HS6ST3: variants seen among roughly 807,000 people sequenced by gnomAD.
The protein encoded by HS6ST3 is heparan sulfate 6-O-sulfotransferase 3.
HS6ST3 carries 12 observed loss-of-function variants against 36.7 expected under a neutral mutation model. The ratio of observed to expected loss-of-function variants is 0.33; its 90% CI spans 0.21 to 0.53. The LOEUF is 0.53. Ranked by LOEUF, HS6ST3 falls within the 20% of genes least tolerant of loss-of-function variation. The pLI, the probability that HS6ST3 is intolerant of heterozygous loss-of-function variation, is 0.95. For missense variants in HS6ST3, 584 were observed against 640.9 expected, an observed-to-expected ratio of 0.91 and a Z score of 0.96; for synonymous variants, 240 against 257.5, an observed-to-expected ratio of 0.93 and a Z score of 0.65.
chr13:96,541,244 C>T (rs1029918594), intron 1 of HS6ST3, among the ~76,000 whole-genome samples: 1 of 152,020 alleles, frequency 6.6e-6, no homozygotes, highest in Admixed American at 6.6e-5. Context: ...ACCATGTTGG[C>T]CAGGCTGGTC....
chr13:96,181,596 TG>T (rs1186951150), intron 1 of HS6ST3, among the ~76,000 whole-genome samples: 1 of 152,176 alleles, frequency 6.6e-6, no homozygotes, highest in African/African-American at 2.4e-5. Flanking sequence ...GAGCTCTTGC[TG>T]GGGTCTCTGT....
intron 1 of HS6ST3, among the ~76,000 whole-genome samples, chr13:96,769,192 A>G (rs1877196162): frequency 6.6e-6 from 1 of 152,172 alleles, no homozygotes; most frequent in Non-Finnish European, 1.5e-5. Context: ...ACAGGGCAGT[A>G]ACACTTATCT....
intron 1 of HS6ST3, among the ~76,000 whole-genome samples, chr13:96,279,018 C>G (rs2054761958): frequency 6.6e-6 from 1 of 152,074 alleles, no homozygotes; most frequent in African/African-American, 2.4e-5. Context: ...AATGAGTGAA[C>G]AATGAGCAGC....
chr13:96,605,402 G>C (rs1473553310), intron 1 of HS6ST3, among the ~76,000 whole-genome samples: 1 of 152,034 alleles, frequency 6.6e-6, no homozygotes, highest in African/African-American at 2.4e-5. Context: ...ATCCCATCAG[G>C]TTTTATTTAT....
At chr13:96,440,493 A>AGAAAGGAAAGGAAAG (rs544712773) in intron 1 of HS6ST3, among the ~76,000 whole-genome samples, 5 of 72,162 alleles carry the variant, frequency 6.9e-5, no homozygotes, top group African/African-American at 3.0e-4. Flanking sequence ...AGGGGAGAGG[A>AGAAAGGAAAGGAAAG]GAAAGGAAAG....
chr13:96,120,226 G>A (rs1021545487), intron 1 of HS6ST3, among the ~76,000 whole-genome samples: 2 of 152,216 alleles, frequency 1.3e-5, no homozygotes, highest in Admixed American at 1.3e-4. Context: ...TTCCCTGCAG[G>A]TTGCAGAGGG....
At chr13:96,733,409 T>C (rs1410768393) in intron 1 of HS6ST3, among the ~76,000 whole-genome samples, 1 of 152,216 alleles carries the variant, frequency 6.6e-6, no homozygotes, top group Non-Finnish European at 1.5e-5. Context: ...TTGTTTTTCA[T>C]TGTGCTATTG....
At chr13:96,544,520 A>AT (rs570459322) in intron 1 of HS6ST3, among the ~76,000 whole-genome samples, 184 of 152,328 alleles carry the variant, frequency 1.2e-3, no homozygotes, top group African/African-American at 4.3e-3. Flanking sequence ...CAAAAGAGTG[A>AT]GCACTTTGCC....
intron 1 of HS6ST3, among the ~76,000 whole-genome samples, chr13:96,426,603 C>T (rs1010226072): frequency 7.9e-5 from 12 of 152,186 alleles, no homozygotes; most frequent in Non-Finnish European, 1.5e-4. Context: ...AAATCCGAGA[C>T]AGTAAGTCAT....
intron 1 of HS6ST3, among the ~76,000 whole-genome samples, chr13:96,539,660 T>C (rs2056170315): frequency 6.6e-6 from 1 of 152,182 alleles, no homozygotes; most frequent in Non-Finnish European, 1.5e-5. Context: ...CATTTTTAAG[T>C]CTGTTTATTT....
At chr13:96,827,002 T>C (rs1878662648) in intron 1 of HS6ST3, among the ~76,000 whole-genome samples, 1 of 152,126 alleles carries the variant, frequency 6.6e-6, no homozygotes, top group African/African-American at 2.4e-5. Context: ...CTCAATGAAG[T>C]AGGTGACAAA....
chr13:96,477,756 G>C (rs2055871094), intron 1 of HS6ST3, among the ~76,000 whole-genome samples: 2 of 152,102 alleles, frequency 1.3e-5, no homozygotes, highest in East Asian at 3.9e-4. Flanking sequence ...TGTAATCCCA[G>C]CTGCTCAGAA....
chr13:96,450,436 A>G (rs1416089573), intron 1 of HS6ST3, among the ~76,000 whole-genome samples: 1 of 152,158 alleles, frequency 6.6e-6, no homozygotes, highest in Non-Finnish European at 1.5e-5. Context: ...AGATCTGTTT[A>G]TTTTCAGATA....
rs1210824895 is a variant in HS6ST3 at position 96,224,933 on chromosome 13, G to A, written c.707+133364G>A. On this transcript the variant is annotated intron_variant, in intron 1 of 1. Transcript: ENST00000376705. ...AGACTTTTATGTTTGTTTAAGTGGA[G>A]CGTGTTTGCATTGTTACTGGGAGTG... Among the ~76,000 whole-genome samples the A allele has an allele frequency of 3.3e-5, 5 of 152,312 alleles. No individual in the cohort carries two copies. In the East Asian group the frequency reaches 9.6e-4, roughly 29 times the overall value.
At chr13:96,515,779 A>G (rs534372365) in intron 1 of HS6ST3, among the ~76,000 whole-genome samples, 2 of 152,280 alleles carry the variant, frequency 1.3e-5, no homozygotes, top group South Asian at 2.1e-4. Context: ...CTCCCCAGCC[A>G]TGCAGAACTG....
intron 1 of HS6ST3, among the ~76,000 whole-genome samples, chr13:96,146,588 G>A (rs1247693799): frequency 1.3e-5 from 2 of 152,170 alleles, no homozygotes; most frequent in African/African-American, 4.8e-5. Flanking sequence ...CTCCTAATAT[G>A]TATTTGGATT....
At chr13:96,799,784 T>TAA (rs141104397) in intron 1 of HS6ST3, among the ~76,000 whole-genome samples, 2 of 140,160 alleles carry the variant, frequency 1.4e-5, no homozygotes, top group African/African-American at 2.6e-5. Flanking sequence ...AGTATAATAA[T>TAA]AAAAAAAAAA....
At chr13:96,817,578 A>G (rs998170215) in intron 1 of HS6ST3, among the ~76,000 whole-genome samples, 4 of 152,212 alleles carry the variant, frequency 2.6e-5, no homozygotes, top group Admixed American at 6.5e-5. Context: ...CTGAAAATCA[A>G]TGAAAAGCTT....
chr13:96,413,803 A>G (rs1177057070), intron 1 of HS6ST3, among the ~76,000 whole-genome samples: 2 of 152,212 alleles, frequency 1.3e-5, no homozygotes, highest in Admixed American at 6.5e-5. Context: ...ATGACACCTA[A>G]TATAATTGTC....
Sources: allele counts gnomAD v4.1 joint callset (sites outside exome capture counted in the v4.1 genomes callset), GRCh38; gene constraint gnomAD v4.1.1; transcripts MANE v1.5; gene names NCBI Gene and HGNC (gene_info 2026-07-23, HGNC 2026-07-21).